Variants in RASGEF1A observed in about 807,000 individuals in gnomAD.
The protein encoded by RASGEF1A is ras-GEF domain-containing family member 1A.
In RASGEF1A, 18 loss-of-function variants were observed where a neutral mutation model predicts 56.4. The observed-to-expected ratio is 0.32, with a 90% confidence interval of 0.22 to 0.47. RASGEF1A has a LOEUF of 0.47. RASGEF1A is among the 20% of genes least tolerant of loss of function. The pLI, the probability that RASGEF1A is intolerant of heterozygous loss-of-function variation, is 1.00. For missense variants in RASGEF1A, 422 were observed against 627.1 expected (o/e 0.67, Z 3.49); for synonymous variants, 245 against 242.6 (o/e 1.01, Z -0.09).
chr10:43,200,987 C>A, intron 4 of RASGEF1A, 99 bp from the exon 5 acceptor site: 1 of 1,089,030 alleles, frequency 9.2e-7, no homozygotes, highest in Non-Finnish European at 1.4e-6. Context: ...TGTGCCTAAC[C>A]AACGTGAGCC....
At chr10:43,256,072 C>G (rs1362085327) in intron 1 of RASGEF1A, among the ~76,000 whole-genome samples, 1 of 152,200 alleles carries the variant, frequency 6.6e-6, no homozygotes, top group Non-Finnish European at 1.5e-5. Flanking sequence ...CATCCCCAGC[C>G]TAGGGGGAGC....
chr10:43,206,743 G>T (rs1840001764), intron 1 of RASGEF1A: 1 of 986,686 alleles, frequency 1.0e-6, no homozygotes, highest in East Asian at 1.1e-4. Flanking sequence ...GCTCAGGCAG[G>T]CGGTAGCAGG....
intron 1 of RASGEF1A, among the ~76,000 whole-genome samples, chr10:43,259,764 G>A (rs560892908): frequency 2.6e-5 from 4 of 152,256 alleles, no homozygotes; most frequent in East Asian, 3.9e-4. Context: ...GGAGGGGGGC[G>A]TCCTCACCTC....
At chr10:43,201,772 C>T in intron 4 of RASGEF1A, 36 bp downstream of exon 4, 3 of 1,534,510 alleles carry the variant, frequency 2.0e-6, no homozygotes, top group Non-Finnish European at 2.7e-6. Context: ...CTGGCACACA[C>T]CCAAAGACCC....
rs372942426 is a variant in RASGEF1A, at chr10:43,243,560, C to T, written c.-7+23285G>A. On this transcript the variant is annotated intron_variant, in intron 1 of 12. Transcript: ENST00000395810. ...AGTGGGTGCCTCTGCCCGGCCGCCC[C>T]GTCTGGGAGGTGAGGGGCGCCTCTG... is the stretch of plus-strand genomic sequence containing the variant. Among the ~76,000 whole-genome samples, 20 of 151,246 alleles carry T rather than the reference C, an allele frequency of 1.3e-4. 1 individual carries two copies. The East Asian group carries it at 2.8e-3, about 21-fold the overall frequency.
chr10:43,253,305 G>A (rs1013589178), intron 1 of RASGEF1A, among the ~76,000 whole-genome samples: 1 of 152,220 alleles, frequency 6.6e-6, no homozygotes, highest in Admixed American at 6.5e-5. Context: ...CAAATCCCCG[G>A]GGAGGGCTGC....
chr10:43,258,545 GC>G (rs1474442317), intron 1 of RASGEF1A, among the ~76,000 whole-genome samples: 40 of 152,250 alleles, frequency 2.6e-4, no homozygotes, highest in African/African-American at 8.9e-4. Flanking sequence ...GCAGGCCACA[GC>G]AGGCGGCTGG....
At chr10:43,249,375 C>A (rs894740293) in intron 1 of RASGEF1A, among the ~76,000 whole-genome samples, 3 of 152,236 alleles carry the variant, frequency 2.0e-5, no homozygotes, top group African/African-American at 7.2e-5. Flanking sequence ...TTGCAGGGCC[C>A]CCACTCCACC....
chr10:43,223,244 G>A (rs142202039), intron 1 of RASGEF1A, among the ~76,000 whole-genome samples: 36 of 152,278 alleles, frequency 2.4e-4, no homozygotes, highest in African/African-American at 7.9e-4. Context: ...CCACATGGTC[G>A]TATGTTATAC....
intron 1 of RASGEF1A, among the ~76,000 whole-genome samples, chr10:43,239,660 C>T (rs994962665): frequency 1.3e-4 from 20 of 152,210 alleles, no homozygotes; most frequent in African/African-American, 4.8e-4. Flanking sequence ...AAACCACTGG[C>T]GTAGCAGCCC....
intron 1 of RASGEF1A, among the ~76,000 whole-genome samples, chr10:43,225,081 A>C (rs987271020): frequency 1.4e-5 from 2 of 139,712 alleles, no homozygotes; most frequent in Non-Finnish European, 3.1e-5. Context: ...TCTCTGTGTT[A>C]GTGTGTCTCT....
At chr10:43,257,617 G>A (rs889182276) in intron 1 of RASGEF1A, among the ~76,000 whole-genome samples, 1 of 152,208 alleles carries the variant, frequency 6.6e-6, no homozygotes, top group African/African-American at 2.4e-5. Context: ...CTCCCCAGGG[G>A]GTAGTGACTG....
chr10:43,209,684 C>T (rs552541273), intron 1 of RASGEF1A, among the ~76,000 whole-genome samples: 3 of 142,908 alleles, frequency 2.1e-5, no homozygotes, highest in Non-Finnish European at 3.1e-5. Context: ...CTCAGGAAGC[C>T]CCCCCACCAG....
intron 1 of RASGEF1A, among the ~76,000 whole-genome samples, chr10:43,264,666 G>C (rs544598501): frequency 6.7e-6 from 1 of 149,818 alleles, no homozygotes; most frequent in Non-Finnish European, 1.5e-5. Context: ...GGGAGGGTCC[G>C]TCAAGGGGCA....
At chr10:43,255,570 T>C (rs1258717391) in intron 1 of RASGEF1A, among the ~76,000 whole-genome samples, 2 of 152,228 alleles carry the variant, frequency 1.3e-5, no homozygotes, top group Non-Finnish European at 2.9e-5. Flanking sequence ...AGCTCTGCCA[T>C]GTACCCTCTG....
At chr10:43,208,237 G>A in intron 1 of RASGEF1A, 1 of 985,480 alleles carries the variant, frequency 1.0e-6, no homozygotes, top group Non-Finnish European at 1.2e-6. Flanking sequence ...GGGGTCATCA[G>A]AGAGGGCATT....
intron 1 of RASGEF1A, among the ~76,000 whole-genome samples, chr10:43,211,176 C>A (rs1275539789): frequency 2.0e-5 from 3 of 152,232 alleles, no homozygotes; most frequent in Non-Finnish European, 4.4e-5. Flanking sequence ...CTTCTCACCT[C>A]CCACGCAGGG....
rs754942717 is a variant in RASGEF1A at position 43,206,039 on chromosome 10, C to T, written c.78G>A (p.Glu26=). Residue 26 remains glutamate, a synonymous_variant, in exon 2 of 13, where the codon GAG becomes GAA. Transcript: ENST00000395810. ...CSGQVQPGMG[E]RGGGAGGGSG... ...AGCCGCCACCGGCCCCGCCTCCACGCTCCCCCATGCCAGGCTGCACCTGTC... is the reference window on the plus strand; with the variant it reads ...AGCCGCCACCGGCCCCGCCTCCACGTTCCCCCATGCCAGGCTGCACCTGTC... 2 of 1,610,062 alleles carry T rather than the reference C, an allele frequency of 1.2e-6. No individual in the cohort carries two copies. The highest frequency in any genetic ancestry group is 1.7e-6 in the Non-Finnish European group (2 of 1,178,728).
At chr10:43,263,513 C>T (rs906068134) in intron 1 of RASGEF1A, among the ~76,000 whole-genome samples, 1 of 152,198 alleles carries the variant, frequency 6.6e-6, no homozygotes, top group African/African-American at 2.4e-5. Flanking sequence ...AAGTGCCCAC[C>T]CTGGGCTGTT....
Sources: gnomAD v4.1 joint callset for allele counts (sites outside exome capture counted in the v4.1 genomes callset) on GRCh38, gnomAD v4.1.1 for gene constraint, MANE v1.5 for transcripts, NCBI Gene and HGNC (gene_info 2026-07-23, HGNC 2026-07-21) for gene names.